PRDM10: variants seen among roughly 807,000 people sequenced by gnomAD.
The protein encoded by PRDM10 is PR domain zinc finger protein 10.
A neutral mutation model predicts 133.1 loss-of-function variants in PRDM10; 65 were observed. The ratio of observed to expected loss-of-function variants is 0.49; its 90% confidence interval spans 0.40 to 0.60. The LOEUF (loss-of-function observed/expected upper bound fraction) is 0.60. Among genes scored for constraint, PRDM10 ranks in the 20% least tolerant of loss-of-function variants. The pLI is 0.00. For synonymous variants in PRDM10, 582 were observed against 580.4 expected (o/e 1.00, Z -0.04); for missense variants, 1,137 against 1,507.1 (o/e 0.75, Z 4.07).
chr11:129,970,652 C>G (rs946309485), intron 1 of PRDM10, among the ~76,000 whole-genome samples: 6 of 151,762 alleles, frequency 4.0e-5, no homozygotes, highest in African/African-American at 1.5e-4. Flanking sequence ...TTAGGGGACT[C>G]TCCTGCCTCA....
chr11:129,910,461 T>A lies in PRDM10; in HGVS notation c.3163+15A>T. On this transcript the variant is annotated intron_variant, in intron 19 of 20. Transcript: ENST00000360871. The stretch of plus-strand genomic sequence containing the variant: ...CCCACCCCTGACCGACACGGCATCG[T>A]CCCTTCTTACTTACAATAGCCACGG... The A allele has an allele frequency of 1.2e-6, 2 of 1,613,748 alleles. No homozygotes were observed. The highest frequency in any genetic ancestry group is 1.7e-6 in the Non-Finnish European group (2 of 1,180,026).
At chr11:129,977,291 C>T (rs1937819236) in intron 1 of PRDM10, among the ~76,000 whole-genome samples, 1 of 149,442 alleles carries the variant, frequency 6.7e-6, no homozygotes, top group Non-Finnish European at 1.5e-5. Flanking sequence ...CACACACACA[C>T]ACACACACAT....
chr11:129,920,272 G>C (rs1950485058), intron 13 of PRDM10, among the ~76,000 whole-genome samples: 1 of 152,074 alleles, frequency 6.6e-6, no homozygotes, highest in Non-Finnish European at 1.5e-5. Flanking sequence ...AAATCTCCAT[G>C]AGGCCTTTCC....
At chr11:129,932,949 G>T (rs1950917377) in intron 9 of PRDM10, among the ~76,000 whole-genome samples, 1 of 152,024 alleles carries the variant, frequency 6.6e-6, no homozygotes. Context: ...TTAATTTTTT[G>T]TAGAGATGGG....
At chr11:129,981,363 G>A (rs986206130) in intron 1 of PRDM10, among the ~76,000 whole-genome samples, 1 of 152,106 alleles carries the variant, frequency 6.6e-6, no homozygotes, top group African/African-American at 2.4e-5. Flanking sequence ...CATTGCTGAC[G>A]TTTTAGTGTC....
intron 13 of PRDM10, among the ~76,000 whole-genome samples, chr11:129,919,621 C>T (rs1950463157): frequency 6.6e-6 from 1 of 152,126 alleles, no homozygotes; most frequent in African/African-American, 2.4e-5. Context: ...CAGAGCCCAT[C>T]CTGAATAAAA....
rs1042500030 is a variant in PRDM10 at position 129,923,941 on chromosome 11, T to C, written c.1879-538A>G. On this transcript the variant is annotated intron_variant, in intron 12 of 20. Coordinates refer to ENST00000360871, the MANE Select transcript of PRDM10 (RefSeq NM_199437.2). The surrounding 1 kb of genome is among the most constrained non-coding windows in gnomAD (Gnocchi z 4.4). ...CATGAATGAGTGGATACAGAAGACA[T>C]TACCGGTTTGTGAGAGCAATATGAC... Among the ~76,000 whole-genome samples, 1 of 152,244 alleles carries C rather than the reference T, an allele frequency of 6.6e-6. No homozygotes were observed. Among genetic ancestry groups the C allele is most frequent in the African/African-American group, 2.4e-5 (1 of 41,468 alleles).
chr11:129,983,430 T>G (rs1223656630), intron 1 of PRDM10, among the ~76,000 whole-genome samples: 6 of 151,382 alleles, frequency 4.0e-5, no homozygotes, highest in Admixed American at 6.6e-5. Context: ...GAGTAGCTGG[T>G]ACTACAGGTG....
At chr11:130,000,431 A>G (rs1354533233) in intron 1 of PRDM10, among the ~76,000 whole-genome samples, 2 of 152,208 alleles carry the variant, frequency 1.3e-5, no homozygotes, top group African/African-American at 2.4e-5. Context: ...AGGTAGTGCC[A>G]ATCAATTTGG....
At chr11:129,939,472 C>T (rs1201550304) in intron 7 of PRDM10, among the ~76,000 whole-genome samples, 1 of 152,086 alleles carries the variant, frequency 6.6e-6, no homozygotes, top group Non-Finnish European at 1.5e-5. Flanking sequence ...CTGATCAATT[C>T]CAAGGTGTAT....
intron 4 of PRDM10, among the ~76,000 whole-genome samples, chr11:129,949,612 C>A (rs899819630): frequency 6.6e-5 from 10 of 152,112 alleles, no homozygotes; most frequent in African/African-American, 2.4e-4. Context: ...GCATCTTAAT[C>A]GAAGAACTTA....
chr11:130,001,149 T>A (rs749728331), intron 1 of PRDM10, among the ~76,000 whole-genome samples: 3 of 152,086 alleles, frequency 2.0e-5, no homozygotes, highest in Admixed American at 6.6e-5. Flanking sequence ...CCATATTGAA[T>A]AAACACTGTT....
intron 1 of PRDM10, among the ~76,000 whole-genome samples, chr11:129,965,311 A>G (rs575319532): frequency 8.5e-5 from 13 of 152,298 alleles, no homozygotes; most frequent in African/African-American, 3.1e-4. Context: ...TATCTTTGAT[A>G]GTAAGGCTTG....
rs567190462 is a variant in PRDM10, at chr11:129,992,012, C to T, written c.-119+10710G>A. Among the ~76,000 whole-genome samples, 17 of 152,214 alleles carry T rather than the reference C, an allele frequency of 1.1e-4. No individual in the cohort carries two copies. In the South Asian group the frequency reaches 3.1e-3, roughly 28 times the overall value. On this transcript the variant is annotated intron_variant, in intron 1 of 20. Coordinates refer to ENST00000360871, the MANE Select transcript of PRDM10 (RefSeq NM_199437.2). ...ACAAAAATAAAAACTATGTGATTAG[C>T]ATTTTCTTCCGCAGGAGACACAAAA...
At chr11:129,908,981 C>T (rs1316818858) in intron 19 of PRDM10, among the ~76,000 whole-genome samples, 1 of 151,662 alleles carries the variant, frequency 6.6e-6, no homozygotes. Flanking sequence ...CCGCCCACCT[C>T]GGCCTCCCAA....
At chr11:129,927,861 G>A (rs993763446) in intron 11 of PRDM10, among the ~76,000 whole-genome samples, 1 of 152,078 alleles carries the variant, frequency 6.6e-6, no homozygotes, top group Non-Finnish European at 1.5e-5. Flanking sequence ...GCCACAACCC[G>A]TACACATTTC....
Position 129,905,670 on chromosome 11 carries a change from C to T in PRDM10, c.3235G>A (p.Val1079Ile). ...VITDSGVATP[V>I]TTGQVKAVTS... ...ACCGCCTTCACCTGGCCAGTAGTAACTGGAGTTGCCACACCACTGTCTGTA... is the reference window on the plus strand; with the variant it reads ...ACCGCCTTCACCTGGCCAGTAGTAATTGGAGTTGCCACACCACTGTCTGTA... The change falls in exon 20 of 21, where the codon GTT becomes ATT. Residue 1079 changes from valine (V) to isoleucine (I), a missense_variant. By Grantham distance (29) the Val-to-Ile change is conservative (BLOSUM62 3). Coordinates refer to ENST00000360871, the MANE Select transcript of PRDM10 (RefSeq NM_199437.2). 1.2e-6 allele frequency: 2 copies of T among 1,614,208 alleles called. No individual in the cohort carries two copies. The highest frequency in any genetic ancestry group is 1.1e-5 in the South Asian group (1 of 91,082).
Position 129,960,929 on chromosome 11 carries a change from C to T in PRDM10, c.36G>A (p.Pro12=), listed in dbSNP as rs1951784317. ...CATTCTGTTCATGCTCTGCAGATGT[C>T]GGCCACACATGCGAGCTTTCATCTT... ...DSKDESSHVW[P]TSAEHEQNAA... The change falls in exon 2 of 21, where the codon CCG becomes CCA. Residue 12 remains proline, a synonymous_variant. Coordinates refer to ENST00000360871, the MANE Select transcript of PRDM10 (RefSeq NM_199437.2). The T allele has an allele frequency of 4.3e-6, 7 of 1,613,994 alleles. No individual in the cohort carries two copies. Among genetic ancestry groups the T allele is most frequent in the African/African-American group, 1.3e-5 (1 of 74,908 alleles).
chr11:129,916,231 G>A (rs899067854), intron 15 of PRDM10, among the ~76,000 whole-genome samples: 7 of 152,186 alleles, frequency 4.6e-5, no homozygotes, highest in South Asian at 2.1e-4. Flanking sequence ...TATGATGTAC[G>A]CAGCTGAAGA....
Sources: allele counts gnomAD v4.1 joint callset (sites outside exome capture counted in the v4.1 genomes callset), GRCh38; gene constraint gnomAD v4.1.1; non-coding constraint Gnocchi (gnomAD v3.1); transcripts MANE v1.5; gene names NCBI Gene and HGNC (gene_info 2026-07-23, HGNC 2026-07-21).